Variants in LTBP2 observed in about 807,000 individuals in gnomAD.
The protein encoded by LTBP2 is latent-transforming growth factor beta-binding protein 2.
A neutral mutation model predicts 210.6 loss-of-function variants in LTBP2; 103 were observed. The ratio of observed to expected loss-of-function variants is 0.49; its 90% CI spans 0.42 to 0.58. LTBP2 has a LOEUF of 0.58. LTBP2 is among the 20% of genes least tolerant of loss of function. The pLI is 0.00. For synonymous variants in LTBP2, 1,007 were observed against 1,015.0 expected, an observed-to-expected ratio of 0.99 and a Z score of 0.15; for missense variants, 2,313 against 2,494.5, an observed-to-expected ratio of 0.93 and a Z score of 1.55.
chr14:74,601,272 G>A (rs971454008), intron 2 of LTBP2, among the ~76,000 whole-genome samples: 2 of 152,160 alleles, frequency 1.3e-5, no homozygotes, highest in African/African-American at 4.8e-5. Flanking sequence ...GGGGCTGGGC[G>A]TGGTGGCTCA....
chr14:74,527,331 G>A lies in LTBP2; in HGVS notation c.2388+16C>T, dbSNP rs1009395550. On this transcript the variant is annotated intron_variant, in intron 13 of 35. Transcript: ENST00000261978. ...TGCCATGCTTGCCCGGCCCCCTAGTGGGAGGACGCACTCACCTGGCCAGCC... is the reference window on the plus strand; with the variant it reads ...TGCCATGCTTGCCCGGCCCCCTAGTAGGAGGACGCACTCACCTGGCCAGCC... The A allele has an allele frequency of 1.2e-6, 2 of 1,610,874 alleles. No homozygotes were observed. Among genetic ancestry groups the A allele is most frequent in the South Asian group, 1.1e-5 (1 of 90,248 alleles).
Position 74,516,935 on chromosome 14 carries a change from T to G in LTBP2, c.2795A>C (p.Asn932Thr), listed in dbSNP as rs1246091020. 1 of 1,551,566 alleles carries G rather than the reference T, an allele frequency of 6.4e-7. No homozygotes were observed. The highest frequency in any genetic ancestry group is 8.7e-7 in the Non-Finnish European group (1 of 1,147,088). Residue 932 changes from asparagine to threonine, a missense_variant, in exon 18 of 36, where the codon AAT becomes ACT. By Grantham distance (65) the Asn-to-Thr change is moderately conservative (BLOSUM62 0). This residue lies in a region of LTBP2 where 1,867 missense variants were observed against 1,976.9 expected (regional missense o/e 0.94). Coordinates refer to ENST00000261978, the MANE Select transcript of LTBP2 (RefSeq NM_000428.3). ...SGATQECQDI[N>T]ECEQPGVCSG... The stretch of plus-strand genomic sequence containing the variant: ...GCACACCCCTGGCTGCTCACACTCA[T>G]TGATATCTGTGAACACACAGAAAAG...
chr14:74,544,608 GCAT>G (rs1447810290), intron 8 of LTBP2, among the ~76,000 whole-genome samples: 1 of 152,082 alleles, frequency 6.6e-6, no homozygotes, highest in East Asian at 1.9e-4. Context: ...CCAGGGGCTG[GCAT>G]CACAGAGCTA....
At chr14:74,501,963 G>A (rs906499671) in intron 34 of LTBP2, 8 of 332,700 alleles carry the variant, frequency 2.4e-5, no homozygotes, top group African/African-American at 1.3e-4. Flanking sequence ...CCTTCACATC[G>A]TGTTTTTGGG....
intron 25 of LTBP2, 126 bp downstream of exon 25, chr14:74,507,847 T>C (rs1343571322): frequency 2.3e-6 from 3 of 1,321,110 alleles, no homozygotes; most frequent in Non-Finnish European, 3.2e-6. Flanking sequence ...TGAGTCTCAA[T>C]ACATACACTA....
At chr14:74,563,050 A>T (rs1433090941) in intron 3 of LTBP2, among the ~76,000 whole-genome samples, 1 of 152,118 alleles carries the variant, frequency 6.6e-6, no homozygotes. Flanking sequence ...GGCTGATGGG[A>T]ACCACCTGAG....
rs779396017 is a variant in LTBP2 at position 74,509,805 on chromosome 14, G to A, written c.3206C>T (p.Thr1069Met). The A allele has an allele frequency of 6.8e-6, 11 of 1,613,978 alleles. No homozygotes were observed. In the African/African-American group the frequency reaches 8.0e-5, roughly 12 times the overall value. ...GGCAGAGCAGGCGAAGGAGCCCTCC[G>A]TGTTGAGGCAGAGGCCTGTGGGGCA... ...ASCPTGLCLNTEGSFACSACE... is the reference protein window; with the variant it reads ...ASCPTGLCLNMEGSFACSACE... The change falls in exon 21 of 36, where the codon ACG becomes ATG. Residue 1069 changes from threonine to methionine, a missense_variant. By Grantham distance (81) the Thr-to-Met change is moderately conservative. Around this residue, in one of 3 missense-constraint regions of LTBP2, gnomAD observed 1,867 missense variants for 1,976.9 expected, o/e 0.94. Transcript: ENST00000261978.
intron 18 of LTBP2, among the ~76,000 whole-genome samples, chr14:74,513,083 CT>C (rs1566618001): frequency 6.6e-6 from 1 of 152,248 alleles, no homozygotes; most frequent in African/African-American, 2.4e-5. Context: ...GTCTTTGGAC[CT>C]TTCCTGCAGG....
At chr14:74,540,814 A>T (rs28489716) in intron 8 of LTBP2, among the ~76,000 whole-genome samples, 50,644 of 67,700 alleles carry the variant, frequency 0.75, 21,313 homozygotes, top group Non-Finnish European at 0.94. Context: ...TATATAATAT[A>T]TATATATTTT....
intron 3 of LTBP2, among the ~76,000 whole-genome samples, chr14:74,581,565 T>C (rs930675945): frequency 2.0e-5 from 3 of 152,132 alleles, no homozygotes; most frequent in Non-Finnish European, 4.4e-5. Flanking sequence ...CAGCTCCTGA[T>C]ATGGCCCTCA....
intron 3 of LTBP2, among the ~76,000 whole-genome samples, chr14:74,564,345 T>TTTTA (rs2087870374): frequency 1.8e-4 from 1 of 5,514 alleles, no homozygotes; most frequent in African/African-American, 1.1e-3. Flanking sequence ...ATATATATAT[T>TTTTA]TATATATATT....
chr14:74,552,870 T>C, intron 5 of LTBP2, 22 bp downstream of exon 5: 1 of 1,607,338 alleles, frequency 6.2e-7, no homozygotes. Flanking sequence ...CTGGGAACCA[T>C]CTGAGCAGGA....
intron 2 of LTBP2, among the ~76,000 whole-genome samples, chr14:74,602,219 G>A (rs750406735): frequency 3.3e-5 from 5 of 152,228 alleles, no homozygotes; most frequent in Admixed American, 6.5e-5. Context: ...GAGCTTGGCC[G>A]TGTTTCCCAA....
chr14:74,529,102 G>C lies in LTBP2; in HGVS notation c.2008C>G (p.Leu670Val). Residue 670 changes from leucine (L) to valine (V), a missense_variant, in exon 11 of 36, where the codon CTG (leucine) becomes GTG (valine). Physicochemically the swap from Leu to Val is conservative, Grantham distance 32 (BLOSUM62 1). Transcript: ENST00000261978. ...AGCGACCGGTAGCACAGTCCCTGCA[G>C]CATGGAGATTGCCTTGTCCGCTGCA... is the stretch of plus-strand genomic sequence containing the variant. ...RCVSDKAISM[L>V]QGLCYRSLGP... 2 of 1,552,396 alleles carry C rather than the reference G, an allele frequency of 1.3e-6. No individual in the cohort carries two copies. The highest frequency in any genetic ancestry group is 1.7e-6 in the Non-Finnish European group (2 of 1,147,700).
chr14:74,602,550 G>A (rs1381726508), intron 2 of LTBP2, among the ~76,000 whole-genome samples: 1 of 152,190 alleles, frequency 6.6e-6, no homozygotes, highest in Non-Finnish European at 1.5e-5. Flanking sequence ...TGCACTTCCT[G>A]ACTACATGAC....
At chr14:74,557,662 G>A (rs889758307) in intron 3 of LTBP2, among the ~76,000 whole-genome samples, 1 of 152,192 alleles carries the variant, frequency 6.6e-6, no homozygotes, top group African/African-American at 2.4e-5. Flanking sequence ...TGGGCAGGCT[G>A]TTCTAAAAGG....
At chr14:74,523,013 G>A in intron 15 of LTBP2, 95 bp from the exon 16 acceptor site, 1 of 1,495,858 alleles carries the variant, frequency 6.7e-7, no homozygotes, top group East Asian at 2.3e-5. Flanking sequence ...CAGGGTCTAG[G>A]GGCCTCAGAA....
At position 74,509,667 on chromosome 14, in the gene LTBP2, G is replaced by T. The variant is rs1215411883; in HGVS notation, c.3277+67C>A. On this transcript the variant is annotated intron_variant, in intron 21 of 35. Transcript: ENST00000261978. ...ATCAGCCCCAAACTGGGGACAAATT[G>T]AGTGTTCTTTGGGAGGTAAGACAGC... The T allele has an allele frequency of 3.1e-6, 5 of 1,609,264 alleles. No homozygotes were observed. The East Asian group carries it at 6.7e-5, about 22-fold the overall frequency.
chr14:74,519,493 GATAAT>G (rs1208036290), intron 17 of LTBP2, among the ~76,000 whole-genome samples: 1 of 150,514 alleles, frequency 6.6e-6, no homozygotes, highest in Non-Finnish European at 1.5e-5. Flanking sequence ...TTATCTTATT[GATAAT>G]ATAAATTATG....
Sources: gnomAD v4.1 joint callset for allele counts (sites outside exome capture counted in the v4.1 genomes callset) on GRCh38, gnomAD v4.1.1 for gene constraint, gnomAD v4.1.1 regional missense constraint, MANE v1.5 for transcripts, NCBI Gene and HGNC (gene_info 2026-07-23, HGNC 2026-07-21) for gene names.